The following ATP2B2 variants were observed in gnomAD, a reference collection of about 807,000 sequenced individuals.
The protein encoded by ATP2B2 is ATPase plasma membrane Ca2+ transporting 2.
Under a neutral mutation model 120.0 loss-of-function variants are expected in ATP2B2, and 15 were observed. The ratio of observed to expected loss-of-function variants is 0.12; its 90% CI spans 0.08 to 0.19. The LOEUF (loss-of-function observed/expected upper bound fraction) is 0.19, where lower values mean the gene tolerates loss of function less well. Ranked by LOEUF, ATP2B2 falls within the 10% of genes least tolerant of loss-of-function variation. The pLI is 1.00. For missense variants in ATP2B2, 1,045 were observed against 1,719.8 expected (o/e 0.61, Z 6.94); for synonymous variants, 694 against 700.3 (o/e 0.99, Z 0.14).
chr3:10,639,722 A>G (rs1316704647), intron 1 of ATP2B2, among the ~76,000 whole-genome samples: 1 of 152,194 alleles, frequency 6.6e-6, no homozygotes, highest in East Asian at 1.9e-4. Context: ...GAGGAGAAAG[A>G]GTGTCAGTGG....
At chr3:10,629,011 A>G (rs75606122) in intron 1 of ATP2B2, among the ~76,000 whole-genome samples, 22 of 152,284 alleles carry the variant, frequency 1.4e-4, no homozygotes, top group East Asian at 9.6e-4. Context: ...CAACGGCACC[A>G]TAACTCACGC....
At chr3:10,527,695 C>A (rs891139554) in intron 3 of ATP2B2, among the ~76,000 whole-genome samples, 2 of 152,220 alleles carry the variant, frequency 1.3e-5, no homozygotes, top group Non-Finnish European at 2.9e-5. Flanking sequence ...TCTGAGGAGA[C>A]CAACCAGTCC....
At chr3:10,651,347 G>C (rs1161354402) in intron 1 of ATP2B2, among the ~76,000 whole-genome samples, 1 of 152,104 alleles carries the variant, frequency 6.6e-6, no homozygotes, top group African/African-American at 2.4e-5. Flanking sequence ...TTGAATCATG[G>C]GGGCAGGTCT....
Position 10,440,078 on chromosome 3 carries a change from G to A in ATP2B2, c.199+9267C>T, listed in dbSNP as rs550327747. Among the ~76,000 whole-genome samples the A allele has an allele frequency of 1.4e-4, 19 of 136,874 alleles. No homozygotes were observed. In the Middle Eastern group the frequency reaches 0.021, roughly 149 times the overall value. 89.8% of individuals were successfully genotyped at this position (136,874 alleles called of 152,430 possible). A position where few individuals can be genotyped will look rare whatever the true frequency, so the allele number is the denominator to read the frequency against. ...GATCGTGCCACCGCACTCCAGCCTGGGCAACAGAGTGAGACTCTATCTAAA... is the reference window on the plus strand; with the variant it reads ...GATCGTGCCACCGCACTCCAGCCTGAGCAACAGAGTGAGACTCTATCTAAA... On this transcript the variant is annotated intron_variant, in intron 2 of 22. Coordinates refer to ENST00000360273, the MANE Select transcript of ATP2B2 (RefSeq NM_001001331.4).
intron 2 of ATP2B2, among the ~76,000 whole-genome samples, chr3:10,566,981 T>G (rs2068023096): frequency 6.6e-6 from 1 of 152,216 alleles, no homozygotes; most frequent in Admixed American, 6.5e-5. Flanking sequence ...CTGTGCCAGT[T>G]GTATGATAGG....
intron 22 of ATP2B2, chr3:10,332,085 G>A (rs751950922): frequency 1.3e-6 from 2 of 1,514,442 alleles, no homozygotes; most frequent in East Asian, 2.5e-5. Context: ...GAGGTCTAGG[G>A]TTCCCCCCAC....
At chr3:10,349,251 G>A (rs1253104132) in intron 16 of ATP2B2, among the ~76,000 whole-genome samples, 2 of 152,174 alleles carry the variant, frequency 1.3e-5, no homozygotes, top group Admixed American at 6.5e-5. Flanking sequence ...CCAGGAGTTT[G>A]CAACCAGCCT....
intron 9 of ATP2B2, among the ~76,000 whole-genome samples, chr3:10,378,847 A>C (rs2061451127): frequency 6.6e-6 from 1 of 152,194 alleles, no homozygotes; most frequent in South Asian, 2.1e-4. Flanking sequence ...TAGAACGTAA[A>C]AGAGGGCAGC....
intron 14 of ATP2B2, among the ~76,000 whole-genome samples, chr3:10,355,860 TCAG>T (rs2060705805): frequency 9.8e-5 from 3 of 30,742 alleles, no homozygotes; most frequent in African/African-American, 2.0e-4. Context: ...GATCACGAGG[TCAG>T]GAGATCGAGA....
intron 2 of ATP2B2, among the ~76,000 whole-genome samples, chr3:10,561,524 G>T (rs946916045): frequency 8.1e-4 from 123 of 152,278 alleles, no homozygotes; most frequent in African/African-American, 2.8e-3. Flanking sequence ...GAGGTGAAGT[G>T]ATTTGCCCAA....
chr3:10,420,178 T>C (rs935660515), intron 2 of ATP2B2, among the ~76,000 whole-genome samples: 2 of 152,204 alleles, frequency 1.3e-5, no homozygotes, highest in African/African-American at 2.4e-5. Context: ...CTTCATATCC[T>C]GTCAGAGGTC....
intron 1 of ATP2B2, among the ~76,000 whole-genome samples, chr3:10,646,469 G>A (rs181374868): frequency 2.6e-5 from 4 of 152,180 alleles, no homozygotes; most frequent in African/African-American, 7.2e-5. Flanking sequence ...TTCCTGTGAC[G>A]TTTGCGATTC....
intron 11 of ATP2B2, among the ~76,000 whole-genome samples, chr3:10,372,517 A>G (rs2061272358): frequency 6.6e-6 from 1 of 152,250 alleles, no homozygotes; most frequent in Non-Finnish European, 1.5e-5. Flanking sequence ...TAAATAAATT[A>G]GGATACAGGA....
intron 2 of ATP2B2, among the ~76,000 whole-genome samples, chr3:10,578,723 G>A (rs2068313853): frequency 6.6e-6 from 1 of 152,152 alleles, no homozygotes; most frequent in African/African-American, 2.4e-5. Flanking sequence ...ATACTACACG[G>A]CTCTGAAAAT....
intron 2 of ATP2B2, among the ~76,000 whole-genome samples, chr3:10,562,479 C>T (rs899650237): frequency 6.6e-6 from 1 of 152,156 alleles, no homozygotes; most frequent in East Asian, 1.9e-4. Context: ...TCTTCTCTTG[C>T]TGGGTCTTGG....
chr3:10,630,124 C>T (rs374155819), intron 1 of ATP2B2, among the ~76,000 whole-genome samples: 51 of 151,632 alleles, frequency 3.4e-4, no homozygotes, highest in Admixed American at 2.8e-3. Flanking sequence ...CAGTTAAACA[C>T]GGCCACCTTT....
rs1455268389 is a variant in ATP2B2 at position 10,438,821 on chromosome 3, C to T, written c.199+10524G>A. 5.9e-5 allele frequency among the ~76,000 whole-genome samples: 9 copies of T among 152,170 alleles called. No homozygotes were observed. In the South Asian group the frequency reaches 8.3e-4, roughly 14 times the overall value. ...GGTCCTACTAGCATTCGAGACGGCC[C>T]GCCTGCAGTTATACAGCAACATTTC... On this transcript the variant is annotated intron_variant, in intron 2 of 22. Coordinates refer to ENST00000360273, the MANE Select transcript of ATP2B2 (RefSeq NM_001001331.4).
chr3:10,496,848 T>C (rs986880061), intron 1 of ATP2B2, among the ~76,000 whole-genome samples: 1 of 152,170 alleles, frequency 6.6e-6, no homozygotes, highest in Non-Finnish European at 1.5e-5. Context: ...GAAGTGCTTG[T>C]CATGGCTGGC....
At chr3:10,514,291 G>A (rs1036609916) in intron 3 of ATP2B2, among the ~76,000 whole-genome samples, 1 of 152,194 alleles carries the variant, frequency 6.6e-6, no homozygotes, top group Non-Finnish European at 1.5e-5. Flanking sequence ...GCAGGGAAGA[G>A]GTGGGATGGA....
Sources: gnomAD v4.1 joint callset for allele counts (sites outside exome capture counted in the v4.1 genomes callset) on GRCh38, gnomAD v4.1.1 for gene constraint, MANE v1.5 for transcripts, NCBI Gene and HGNC (gene_info 2026-07-23, HGNC 2026-07-21) for gene names.